Variants in CNTNAP5 observed in about 807,000 individuals in gnomAD.
The protein encoded by CNTNAP5 is contactin associated protein family member 5.
CNTNAP5 carries 72 observed loss-of-function variants against 150.2 expected under a neutral mutation model. The observed-to-expected ratio is 0.48, with a 90% CI of 0.40 to 0.58. The LOEUF (loss-of-function observed/expected upper bound fraction) is 0.58, where lower values mean the gene tolerates loss of function less well. Ranked by LOEUF, CNTNAP5 falls within the 20% of genes least tolerant of loss-of-function variation. The pLI is 0.00. For missense variants in CNTNAP5, 1,636 were observed against 1,626.2 expected (o/e 1.01, Z -0.10); for synonymous variants, 672 against 619.8 (o/e 1.08, Z -1.25).
At chr2:124,217,434 C>T (rs951970354) in intron 1 of CNTNAP5, among the ~76,000 whole-genome samples, 4 of 152,150 alleles carry the variant, frequency 2.6e-5, no homozygotes, top group Non-Finnish European at 5.9e-5. Context: ...TTATTGAAGG[C>T]TGCAGGAGCA....
intron 1 of CNTNAP5, among the ~76,000 whole-genome samples, chr2:124,111,712 A>C (rs1573761518): frequency 6.6e-6 from 1 of 152,338 alleles, no homozygotes; most frequent in Admixed American, 6.5e-5. Flanking sequence ...GAGTTGGCAT[A>C]AAAATTTCTA....
chr2:124,431,008 A>C (rs1003205973), intron 4 of CNTNAP5, among the ~76,000 whole-genome samples: 2 of 152,180 alleles, frequency 1.3e-5, no homozygotes, highest in African/African-American at 4.8e-5. Context: ...CCCATCATAC[A>C]GATAGGAGAA....
At chr2:124,885,448 G>A (rs11680175) in intron 21 of CNTNAP5, among the ~76,000 whole-genome samples, 3,063 of 151,422 alleles carry the variant, frequency 0.02, 42 homozygotes, top group Non-Finnish European at 0.034. Flanking sequence ...GAAGTGAAAC[G>A]CACATAAAAT....
chr2:124,295,119 C>T (rs1187122436), intron 3 of CNTNAP5, among the ~76,000 whole-genome samples: 7 of 102,292 alleles, frequency 6.8e-5, no homozygotes, highest in African/African-American at 2.8e-4. Flanking sequence ...AACAAAACAA[C>T]AACCACCACC....
At position 124,158,434 on chromosome 2, in the gene CNTNAP5, G is replaced by C. The variant is rs180685904; in HGVS notation, c.83-63271G>C. On this transcript the variant is annotated intron_variant, in intron 1 of 23. Transcript: ENST00000682447. ...TTAAATCCTATCTGAGTGACTTATA[G>C]TACCTAATACTTGCGTATGTCACTT... is the stretch of plus-strand genomic sequence containing the variant. Among the ~76,000 whole-genome samples, 10 of 152,198 alleles carry C rather than the reference G, an allele frequency of 6.6e-5. No individual in the cohort carries two copies. The East Asian group carries it at 1.6e-3, about 24-fold the overall frequency.
chr2:124,496,579 G>A (rs1376080857), intron 7 of CNTNAP5, among the ~76,000 whole-genome samples: 1 of 152,156 alleles, frequency 6.6e-6, no homozygotes, highest in African/African-American at 2.4e-5. Context: ...TAACAGCTCA[G>A]CACAGTAATG....
At chr2:124,486,951 C>CA (rs1312798568) in intron 7 of CNTNAP5, among the ~76,000 whole-genome samples, 1 of 152,210 alleles carries the variant, frequency 6.6e-6, no homozygotes, top group Admixed American at 6.5e-5. Context: ...GTAATTCTCA[C>CA]AAAAACTTAT....
intron 21 of CNTNAP5, among the ~76,000 whole-genome samples, chr2:124,896,577 C>T (rs1678309685): frequency 2.0e-5 from 3 of 151,086 alleles, no homozygotes; most frequent in Admixed American, 2.0e-4. Flanking sequence ...TTGCTCTTGT[C>T]ACCCAGGCTG....
intron 7 of CNTNAP5, among the ~76,000 whole-genome samples, chr2:124,490,502 C>T (rs1693994880): frequency 6.6e-6 from 1 of 152,140 alleles, no homozygotes; most frequent in African/African-American, 2.4e-5. Context: ...GATCTTTCCA[C>T]AATCTCTTTG....
At chr2:124,169,812 C>T (rs1204213246) in intron 1 of CNTNAP5, among the ~76,000 whole-genome samples, 1 of 152,182 alleles carries the variant, frequency 6.6e-6, no homozygotes, top group Non-Finnish European at 1.5e-5. Flanking sequence ...AAGGCAGTAG[C>T]CCCTGGTTCT....
At chr2:124,245,971 G>T (rs7592148) in intron 3 of CNTNAP5, among the ~76,000 whole-genome samples, 1 of 151,722 alleles carries the variant, frequency 6.6e-6, no homozygotes. Context: ...TCTCCAACTC[G>T]TAGGCCCAAG....
At chr2:124,461,527 T>C (rs1208479053) in intron 6 of CNTNAP5, among the ~76,000 whole-genome samples, 10 of 34,568 alleles carry the variant, frequency 2.9e-4, no homozygotes, top group Non-Finnish European at 5.3e-4. Context: ...GGGACTGTTG[T>C]GGGGTGGGGG....
At chr2:124,698,913 C>A (rs1217736105) in intron 13 of CNTNAP5, among the ~76,000 whole-genome samples, 1 of 152,108 alleles carries the variant, frequency 6.6e-6, no homozygotes, top group Non-Finnish European at 1.5e-5. Context: ...TGCCTCTGAT[C>A]CTTCGAAGAG....
intron 1 of CNTNAP5, among the ~76,000 whole-genome samples, chr2:124,028,664 T>C (rs768368497): frequency 1.3e-5 from 2 of 152,132 alleles, no homozygotes; most frequent in Non-Finnish European, 2.9e-5. Context: ...ATTTTACATA[T>C]AATATTAACT....
intron 3 of CNTNAP5, among the ~76,000 whole-genome samples, chr2:124,246,398 T>C (rs1382024793): frequency 1.3e-5 from 2 of 152,156 alleles, no homozygotes; most frequent in Non-Finnish European, 2.9e-5. Flanking sequence ...AGTCCCTCGC[T>C]TCACTAAATA....
chr2:124,187,135 A>G (rs1288409397), intron 1 of CNTNAP5, among the ~76,000 whole-genome samples: 1 of 152,220 alleles, frequency 6.6e-6, no homozygotes, highest in Non-Finnish European at 1.5e-5. Context: ...CAAATGCAAT[A>G]GAAGAGAAAA....
At chr2:124,868,549 C>T in intron 20 of CNTNAP5, among the ~76,000 whole-genome samples, 1 of 152,162 alleles carries the variant, frequency 6.6e-6, no homozygotes, top group African/African-American at 2.4e-5. Flanking sequence ...CAACCTATTT[C>T]CTTGACGTCA....
At chr2:124,665,653 G>A (rs1298203338) in intron 13 of CNTNAP5, among the ~76,000 whole-genome samples, 4 of 152,260 alleles carry the variant, frequency 2.6e-5, no homozygotes, top group South Asian at 4.1e-4. Context: ...TTGGGAGGCC[G>A]AGACCGGCAG....
chr2:124,919,934 G>A lies in CNTNAP5; in HGVS notation c.*5646G>A, dbSNP rs1678841130. ...TGTGAGTGGAAGTCCTCAGATTCTG[G>A]AATCCATCCAGTGTCTTTCTTTTCC... On this transcript the variant is annotated 3_prime_UTR_variant, in exon 24 of 24. Coordinates refer to ENST00000682447, the MANE Select transcript of CNTNAP5 (RefSeq NM_001367498.1). 6.6e-6 allele frequency among the ~76,000 whole-genome samples: 1 copy of A among 151,872 alleles called. No homozygotes were observed. The highest frequency in any genetic ancestry group is 2.4e-5 in the African/African-American group (1 of 41,362).
Sources: allele counts gnomAD v4.1 joint callset (sites outside exome capture counted in the v4.1 genomes callset), GRCh38; gene constraint gnomAD v4.1.1; transcripts MANE v1.5; gene names NCBI Gene and HGNC (gene_info 2026-07-23, HGNC 2026-07-21).